KIRREL3: variants seen among roughly 807,000 people sequenced by gnomAD.
KIRREL3 encodes the protein kirre like nephrin family adhesion molecule 3, also known as kin of IRRE-like protein 3.
KIRREL3 carries 36 observed loss-of-function variants against 89.7 expected under a neutral mutation model. That is an observed-to-expected ratio of 0.40 (90% confidence interval 0.31 to 0.53). The LOEUF is 0.53. Ranked by LOEUF, KIRREL3 falls within the 20% of genes least tolerant of loss-of-function variation. KIRREL3 has a pLI of 0.49. For missense variants in KIRREL3, 864 were observed against 1,056.6 expected, an observed-to-expected ratio of 0.82 and a Z score of 2.53; for synonymous variants, 445 against 441.4, an observed-to-expected ratio of 1.01 and a Z score of -0.10.
Position 126,678,599 on chromosome 11 carries a change from C to CAAAA in KIRREL3, c.56-115691_56-115688dup, listed in dbSNP as rs59342253. 9.2e-3 allele frequency among the ~76,000 whole-genome samples: 459 copies of CAAAA among 50,002 alleles called. 104 individuals carry two copies. Among genetic ancestry groups the CAAAA allele is most frequent in the Non-Finnish European group, 0.011 (330 of 29,234 alleles). The allele number at this position is 50,002 out of a possible 152,430, so 32.8% of individuals were successfully genotyped here. On this transcript the variant is annotated intron_variant, in intron 1 of 16. Coordinates refer to ENST00000525144, the MANE Select transcript of KIRREL3 (RefSeq NM_032531.4). The stretch of plus-strand genomic sequence containing the variant: ...TGGGCGATAGAGCAAGACTCTGTCT[C>CAAAA]AAAAAAAAAAAAAAAAAAAAAAAAA...
At chr11:126,446,169 AAT>A (rs1478761068) in intron 9 of KIRREL3, among the ~76,000 whole-genome samples, 2 of 150,974 alleles carry the variant, frequency 1.3e-5, no homozygotes, top group African/African-American at 2.5e-5. Context: ...AAAAAAAAAA[AAT>A]GGAACACAGG....
At chr11:126,930,720 C>T (rs1315118003) in intron 1 of KIRREL3, among the ~76,000 whole-genome samples, 1 of 152,148 alleles carries the variant, frequency 6.6e-6, no homozygotes, top group Non-Finnish European at 1.5e-5. Context: ...ATTCTATCTG[C>T]TCCCCCAACC....
chr11:126,630,922 C>T (rs1038283826), intron 1 of KIRREL3, among the ~76,000 whole-genome samples: 1 of 152,182 alleles, frequency 6.6e-6, no homozygotes, highest in Non-Finnish European at 1.5e-5. Context: ...TCCCACTCCA[C>T]CCGAGTCAAG....
rs1950162208 is a variant in KIRREL3 at position 126,995,686 on chromosome 11, T to A, written c.55+4769A>T. ...CCTTGGAAGAAAAGTACTCCACAAA[T>A]CAAAGGTATCATTAGTATTGTTATT... On this transcript the variant is annotated intron_variant, in intron 1 of 16. Coordinates refer to ENST00000525144, the MANE Select transcript of KIRREL3 (RefSeq NM_032531.4). This position sits in a 1 kb window ranked among gnomAD's most constrained non-coding sequence, Gnocchi z 6.5. 6.6e-6 allele frequency among the ~76,000 whole-genome samples: 1 copy of A among 152,160 alleles called. No individual in the cohort carries two copies. Among genetic ancestry groups the A allele is most frequent in the African/African-American group, 2.4e-5 (1 of 41,424 alleles).
At chr11:126,583,966 C>G (rs576064887) in intron 1 of KIRREL3, among the ~76,000 whole-genome samples, 1 of 151,866 alleles carries the variant, frequency 6.6e-6, no homozygotes. Context: ...TTATTTCCTC[C>G]GCGGCAACTA....
At chr11:126,787,497 G>T (rs1950518342) in intron 1 of KIRREL3, among the ~76,000 whole-genome samples, 1 of 152,124 alleles carries the variant, frequency 6.6e-6, no homozygotes, top group African/African-American at 2.4e-5. Context: ...GAAGAAGGGA[G>T]ACCCAACTTT....
chr11:126,982,051 CTCTT>C (rs1300015343), intron 1 of KIRREL3, among the ~76,000 whole-genome samples: 1 of 152,200 alleles, frequency 6.6e-6, no homozygotes, highest in African/African-American at 2.4e-5. Context: ...TCAGGCTTGT[CTCTT>C]TCTTTTAATT....
rs565421999 is a variant in KIRREL3, at chr11:126,796,509, C to T, written c.55+203946G>A. ...TGAATGGTGCGATTTGAAAAGCCTC[C>T]AGTATCTGCTGCTGACATCTGAAAT... On this transcript the variant is annotated intron_variant, in intron 1 of 16. Transcript: ENST00000525144. The surrounding 1 kb of genome is among the most constrained non-coding windows in gnomAD (Gnocchi z 5.1). 1.3e-5 allele frequency among the ~76,000 whole-genome samples: 2 copies of T among 152,244 alleles called. No individual in the cohort carries two copies. The highest frequency in any genetic ancestry group is 4.2e-4 in the South Asian group (2 of 4,814).
chr11:126,931,082 C>G lies in KIRREL3; in HGVS notation c.55+69373G>C, dbSNP rs1214747797. Among the ~76,000 whole-genome samples the G allele has an allele frequency of 6.6e-6, 1 of 152,148 alleles. No homozygotes were observed. Among genetic ancestry groups the G allele is most frequent in the Non-Finnish European group, 1.5e-5 (1 of 68,036 alleles). ...CAGAAAGCTTTGGGCAGTTGGATAC[C>G]CTACCTGTGAGTTCCCACAGGCCTC... On this transcript the variant is annotated intron_variant, in intron 1 of 16. Transcript: ENST00000525144. The surrounding 1 kb of genome is among the most constrained non-coding windows in gnomAD (Gnocchi z 5.1).
chr11:126,475,682 C>T lies in KIRREL3; in HGVS notation c.434-2216G>A, dbSNP rs993001808. Among the ~76,000 whole-genome samples, 1 of 152,210 alleles carries T rather than the reference C, an allele frequency of 6.6e-6. No homozygotes were observed. Among genetic ancestry groups the T allele is most frequent in the Non-Finnish European group, 1.5e-5 (1 of 68,032 alleles). ...GGGATGGATGGAGAAGACGACCCCC[C>T]AGCCGCCCACCCCACACCCTTTCAT... On this transcript the variant is annotated intron_variant, in intron 4 of 16. Coordinates refer to ENST00000525144, the MANE Select transcript of KIRREL3 (RefSeq NM_032531.4). This position sits in a 1 kb window ranked among gnomAD's most constrained non-coding sequence, Gnocchi z 7.5.
chr11:126,439,185 G>T (rs1430203795), intron 11 of KIRREL3, among the ~76,000 whole-genome samples: 1 of 152,036 alleles, frequency 6.6e-6, no homozygotes, highest in Non-Finnish European at 1.5e-5. Flanking sequence ...AAAAAAATTA[G>T]CTGGGTGTGG....
At position 126,858,937 on chromosome 11, in the gene KIRREL3, G is replaced by T. The variant is rs114802287; in HGVS notation, c.55+141518C>A. Among the ~76,000 whole-genome samples the T allele has an allele frequency of 4.2e-3, 640 of 152,318 alleles. 2 individuals are homozygous for T. The highest frequency in any genetic ancestry group is 0.014 in the African/African-American group (597 of 41,570). Reference sequence around the variant, plus strand: ...GAAGCATGGTTTAAACAAGGCTGAGGTTCTGCTCCTGGCTGTGGCATTTAG... The same window carrying T: ...GAAGCATGGTTTAAACAAGGCTGAGTTTCTGCTCCTGGCTGTGGCATTTAG... On this transcript the variant is annotated intron_variant, in intron 1 of 16. Transcript: ENST00000525144.
rs1945290072 is a variant in KIRREL3, at chr11:126,876,490, G to C, written c.55+123965C>G. On this transcript the variant is annotated intron_variant, in intron 1 of 16. Coordinates refer to ENST00000525144, the MANE Select transcript of KIRREL3 (RefSeq NM_032531.4). The surrounding 1 kb of genome is among the most constrained non-coding windows in gnomAD (Gnocchi z 4.1). ...GCTATCCCTGCTCACTGTTGCACCT[G>C]ATACACCTATCCTAGTGCTTGGCTT... is the stretch of plus-strand genomic sequence containing the variant. 6.6e-6 allele frequency among the ~76,000 whole-genome samples: 1 copy of C among 151,506 alleles called. No homozygotes were observed. Among genetic ancestry groups the C allele is most frequent in the Non-Finnish European group, 1.5e-5 (1 of 67,990 alleles).
In KIRREL3 at chr11:126,898,527, G is replaced by A. The variant is rs564728454; in HGVS notation, c.55+101928C>T. 6.6e-6 allele frequency among the ~76,000 whole-genome samples: 1 copy of A among 152,250 alleles called. No homozygotes were observed. Among genetic ancestry groups the A allele is most frequent in the African/African-American group, 2.4e-5 (1 of 41,540 alleles). On this transcript the variant is annotated intron_variant, in intron 1 of 16. Coordinates refer to ENST00000525144, the MANE Select transcript of KIRREL3 (RefSeq NM_032531.4). The surrounding 1 kb of genome is among the most constrained non-coding windows in gnomAD (Gnocchi z 4.9). ...ATGCAGCAATTAGAAACAATGAAGT[G>A]GGCAGATACCTAACAATACGAACAA...
rs1184705430 is a variant in KIRREL3, at chr11:126,773,501, T to C, written c.56-210589A>G. Among the ~76,000 whole-genome samples the C allele has an allele frequency of 6.6e-6, 1 of 152,250 alleles. No individual in the cohort carries two copies. Among genetic ancestry groups the C allele is most frequent in the Admixed American group, 6.5e-5 (1 of 15,290 alleles). ...GCCAGTCCCTTAAAATAAATCTGTC[T>C]TTCTCTATATATCGCTTCCTGTTGG... On this transcript the variant is annotated intron_variant, in intron 1 of 16. Coordinates refer to ENST00000525144, the MANE Select transcript of KIRREL3 (RefSeq NM_032531.4). This position sits in a 1 kb window ranked among gnomAD's most constrained non-coding sequence, Gnocchi z 4.2.
Position 126,682,519 on chromosome 11 carries a change from G to A in KIRREL3, c.56-119607C>T, listed in dbSNP as rs1045480707. ...CAAATGAGTGATGACCTCTGAGTGCGGAGCTTTTTTGTCAATTTTTTAAAG... is the reference window on the plus strand; with the variant it reads ...CAAATGAGTGATGACCTCTGAGTGCAGAGCTTTTTTGTCAATTTTTTAAAG... On this transcript the variant is annotated intron_variant, in intron 1 of 16. Coordinates refer to ENST00000525144, the MANE Select transcript of KIRREL3 (RefSeq NM_032531.4). The surrounding 1 kb of genome is among the most constrained non-coding windows in gnomAD (Gnocchi z 4.8). Among the ~76,000 whole-genome samples the A allele has an allele frequency of 1.3e-5, 2 of 152,058 alleles. No individual in the cohort carries two copies. The highest frequency in any genetic ancestry group is 2.9e-5 in the Non-Finnish European group (2 of 68,018).
Position 126,896,712 on chromosome 11 carries a change from G to C in KIRREL3, c.55+103743C>G, listed in dbSNP as rs1293520818. Among the ~76,000 whole-genome samples the C allele has an allele frequency of 2.0e-5, 3 of 152,106 alleles. No homozygotes were observed. ...CTCTTCTCAGACACCCAGGGGAGGG[G>C]TTCCATGGCCACAGCAAGCTCTCTG... On this transcript the variant is annotated intron_variant, in intron 1 of 16. Coordinates refer to ENST00000525144, the MANE Select transcript of KIRREL3 (RefSeq NM_032531.4). This position sits in a 1 kb window ranked among gnomAD's most constrained non-coding sequence, Gnocchi z 4.1.
Position 126,844,170 on chromosome 11 carries a change from C to T in KIRREL3, c.55+156285G>A, listed in dbSNP as rs1162319062. 6.6e-6 allele frequency among the ~76,000 whole-genome samples: 1 copy of T among 152,112 alleles called. No individual in the cohort carries two copies. The highest frequency in any genetic ancestry group is 1.5e-5 in the Non-Finnish European group (1 of 68,022). ...GGTGGGACAATAGTGAGGAAACCCC[C>T]AATCCAAAGGCTAACTTTGGGTAAG... is the stretch of plus-strand genomic sequence containing the variant. On this transcript the variant is annotated intron_variant, in intron 1 of 16. Transcript: ENST00000525144. The surrounding 1 kb of genome is among the most constrained non-coding windows in gnomAD (Gnocchi z 4.8).
In KIRREL3 at chr11:126,445,222, A is replaced by T. The variant is rs535726371; in HGVS notation, c.1126-117T>A. 6.1e-4 allele frequency: 812 copies of T among 1,329,284 alleles called. 1 individual carries two copies. The highest frequency in any genetic ancestry group is 7.8e-4 in the Non-Finnish European group (757 of 969,782). 82.3% of individuals were successfully genotyped at this position (1,329,284 alleles called of 1,614,324 possible). A position where few individuals can be genotyped will look rare whatever the true frequency, so the allele number is the denominator to read the frequency against. On this transcript the variant is annotated intron_variant, in intron 9 of 16. Coordinates refer to ENST00000525144, the MANE Select transcript of KIRREL3 (RefSeq NM_032531.4). ...TAACTGAGGCAGTCTCCGGCATCTC[A>T]GTAGGAAGCAAGGTGGGGAGGAAAG...
Sources: gnomAD v4.1 joint callset for allele counts (sites outside exome capture counted in the v4.1 genomes callset) on GRCh38, gnomAD v4.1.1 for gene constraint, Gnocchi (gnomAD v3.1) non-coding constraint, MANE v1.5 for transcripts, NCBI Gene and HGNC (gene_info 2026-07-23, HGNC 2026-07-21) for gene names.